Variants in TBL1XR1 observed in about 807,000 individuals in gnomAD.
The protein encoded by TBL1XR1 is TBL1X/Y related 1, also known as F-box-like/WD repeat-containing protein TBL1XR1.
TBL1XR1 carries 5 observed loss-of-function variants against 66.9 expected under a neutral mutation model. The observed-to-expected ratio is 0.07, with a 90% CI of 0.04 to 0.16. The LOEUF is 0.16. Ranked by LOEUF, TBL1XR1 falls within the 10% of genes least tolerant of loss-of-function variation. The probability of loss-of-function intolerance (pLI) is 1.00; values close to 1 mark genes in which losing one functional copy is unlikely to be tolerated. For missense variants in TBL1XR1, 238 were observed against 623.2 expected (o/e 0.38, Z 6.58); for synonymous variants, 210 against 206.0 (o/e 1.02, Z -0.17).
chr3:177,136,773 C>T (rs887534849), intron 1 of TBL1XR1, among the ~76,000 whole-genome samples: 12 of 151,320 alleles, frequency 7.9e-5, no homozygotes, highest in East Asian at 3.9e-4. Context: ...AACCATAATA[C>T]GGCGAAGAAG....
intron 1 of TBL1XR1, among the ~76,000 whole-genome samples, chr3:177,115,803 TC>T (rs1352713915): frequency 7.2e-5 from 11 of 152,228 alleles, no homozygotes; most frequent in Non-Finnish European, 1.3e-4. Context: ...TAACAACTCT[TC>T]AGATGCCTTC....
At chr3:177,124,915 T>TA (rs778318447) in intron 1 of TBL1XR1, among the ~76,000 whole-genome samples, 50 of 151,784 alleles carry the variant, frequency 3.3e-4, no homozygotes, top group Non-Finnish European at 6.3e-4. Context: ...TCACACCATA[T>TA]AAAAAATTAT....
rs1304097048 is a variant in TBL1XR1 at position 177,051,410 on chromosome 3, A to G, written c.427+94T>C. The stretch of plus-strand genomic sequence containing the variant: ...AAACCCCTGTGATATGAGTTCATCT[A>G]TATAACAAACCTGCACATGTACCCC... On this transcript the variant is annotated intron_variant, in intron 5 of 15. Transcript: ENST00000457928. 4.3e-6 allele frequency: 5 copies of G among 1,155,872 alleles called. No individual in the cohort carries two copies. The East Asian group carries it at 7.8e-5, about 18-fold the overall frequency. 71.6% of individuals were successfully genotyped at this position (1,155,872 alleles called of 1,614,324 possible).
At chr3:177,028,919 G>A (rs972841710) in intron 14 of TBL1XR1, among the ~76,000 whole-genome samples, 3 of 152,074 alleles carry the variant, frequency 2.0e-5, no homozygotes, top group Non-Finnish European at 2.9e-5. Context: ...TATGAAACCG[G>A]CATTATGAAA....
At chr3:177,112,140 C>CCACAAAAG (rs2108727550) in intron 1 of TBL1XR1, among the ~76,000 whole-genome samples, 1 of 95,936 alleles carries the variant, frequency 1.0e-5, no homozygotes, top group East Asian at 3.9e-4. Flanking sequence ...GGGGCTCTGA[C>CCACAAAAG]TCTGTTGCCG....
Position 177,100,981 on chromosome 3 carries a change from G to A in TBL1XR1, c.-121-2440C>T, listed in dbSNP as rs529964495. On this transcript the variant is annotated intron_variant, in intron 1 of 15. Transcript: ENST00000457928. ...AGTGATTCTCCTGCCTCAGCCTCCC[G>A]AGTAACTGGGACTACCGGCACGCGC... 1.1e-4 allele frequency among the ~76,000 whole-genome samples: 17 copies of A among 151,520 alleles called. No homozygotes were observed. In the East Asian group the frequency reaches 1.8e-3, roughly 16 times the overall value.
At chr3:177,179,343 C>T (rs1560269321) in intron 1 of TBL1XR1, among the ~76,000 whole-genome samples, 1 of 152,114 alleles carries the variant, frequency 6.6e-6, no homozygotes, top group African/African-American at 2.4e-5. Flanking sequence ...GGGAAAATCA[C>T]GTATGAACCA....
At chr3:177,171,696 C>A (rs1231025226) in intron 1 of TBL1XR1, among the ~76,000 whole-genome samples, 1 of 94,422 alleles carries the variant, frequency 1.1e-5, no homozygotes, top group Non-Finnish European at 1.9e-5. Flanking sequence ...GAGCCAGACT[C>A]CGTCTCAAAA....
At chr3:177,107,455 A>T (rs1486615306) in intron 1 of TBL1XR1, among the ~76,000 whole-genome samples, 1 of 152,216 alleles carries the variant, frequency 6.6e-6, no homozygotes, top group Non-Finnish European at 1.5e-5. Flanking sequence ...TCCAATCAAA[A>T]TAGCTGCCAG....
At chr3:177,106,188 C>A (rs1724862723) in intron 1 of TBL1XR1, among the ~76,000 whole-genome samples, 1 of 151,680 alleles carries the variant, frequency 6.6e-6, no homozygotes, top group Non-Finnish European at 1.5e-5. Flanking sequence ...CACATAAAGC[C>A]CAAATGAGCC....
At chr3:177,177,497 AT>A (rs1404355176) in intron 1 of TBL1XR1, among the ~76,000 whole-genome samples, 1 of 152,192 alleles carries the variant, frequency 6.6e-6, no homozygotes, top group Non-Finnish European at 1.5e-5. Context: ...ATTTATGATT[AT>A]CATCAGTACA....
rs1273362134 is a variant in TBL1XR1 at position 177,160,006 on chromosome 3, A to T, written c.-122+37115T>A. 7.9e-5 allele frequency among the ~76,000 whole-genome samples: 12 copies of T among 152,216 alleles called. No individual in the cohort carries two copies. In the South Asian group the frequency reaches 2.5e-3, roughly 32 times the overall value. ...TAATATAAAGTAGTGGTGAAGAGCA[A>T]GGCTAGACAGCTAGATTTGCATGTA... On this transcript the variant is annotated intron_variant, in intron 1 of 15. Coordinates refer to ENST00000457928, the MANE Select transcript of TBL1XR1 (RefSeq NM_024665.7).
chr3:177,114,329 G>A (rs1726030610), intron 1 of TBL1XR1, among the ~76,000 whole-genome samples: 1 of 150,862 alleles, frequency 6.6e-6, no homozygotes, highest in Admixed American at 6.6e-5. Flanking sequence ...TATATGATAG[G>A]GTCTTGCTTT....
At chr3:177,151,528 C>T (rs1270470071) in intron 1 of TBL1XR1, among the ~76,000 whole-genome samples, 2 of 152,120 alleles carry the variant, frequency 1.3e-5, no homozygotes, top group Non-Finnish European at 2.9e-5. Flanking sequence ...TAACTAATGC[C>T]TGATGAAACC....
chr3:177,185,383 TG>T (rs1735283409), intron 1 of TBL1XR1, among the ~76,000 whole-genome samples: 2 of 151,918 alleles, frequency 1.3e-5, no homozygotes, highest in Non-Finnish European at 1.5e-5. Flanking sequence ...CCGAGGAGGA[TG>T]GATCACTTGA....
intron 1 of TBL1XR1, among the ~76,000 whole-genome samples, chr3:177,117,845 G>C (rs1726493514): frequency 6.6e-6 from 1 of 152,162 alleles, no homozygotes; most frequent in Non-Finnish European, 1.5e-5. Flanking sequence ...GTATTAAAGA[G>C]CAGAATGGGT....
At chr3:177,137,559 T>G (rs530443724) in intron 1 of TBL1XR1, among the ~76,000 whole-genome samples, 188 of 152,384 alleles carry the variant, frequency 1.2e-3, no homozygotes, top group African/African-American at 4.3e-3. Flanking sequence ...AAGAGAGGCA[T>G]GTCTGGGAAC....
intron 1 of TBL1XR1, chr3:177,171,275 G>A (rs935306896): frequency 1.3e-5 from 2 of 152,144 alleles, no homozygotes; most frequent in African/African-American, 2.4e-5. Flanking sequence ...AGGAGGCAGA[G>A]GTTGCAATGA....
chr3:177,140,051 C>T (rs1577288491), intron 1 of TBL1XR1, among the ~76,000 whole-genome samples: 1 of 152,094 alleles, frequency 6.6e-6, no homozygotes, highest in Non-Finnish European at 1.5e-5. Flanking sequence ...GCCTGCAATC[C>T]CAGCACTTTG....
Sources: gnomAD v4.1 joint callset for allele counts (sites outside exome capture counted in the v4.1 genomes callset) on GRCh38, gnomAD v4.1.1 for gene constraint, MANE v1.5 for transcripts, NCBI Gene and HGNC (gene_info 2026-07-23, HGNC 2026-07-21) for gene names.